Variants in SLC8A1 observed in about 807,000 individuals in gnomAD.
The protein encoded by SLC8A1 is sodium/calcium exchanger 1.
A neutral mutation model predicts 68.3 loss-of-function variants in SLC8A1; 18 were observed. That is an observed-to-expected ratio of 0.26 (90% CI 0.18 to 0.39). The LOEUF (loss-of-function observed/expected upper bound fraction) is 0.39, where lower values mean the gene tolerates loss of function less well. Among genes scored for constraint, SLC8A1 ranks in the 10% least tolerant of loss-of-function variants. SLC8A1 has a pLI of 1.00. For synonymous variants in SLC8A1, 475 were observed against 415.5 expected (o/e 1.14, Z -1.74); for missense variants, 985 against 1,156.7 (o/e 0.85, Z 2.15).
At chr2:40,313,762 AATTTAC>A (rs1181021978) in intron 2 of SLC8A1, among the ~76,000 whole-genome samples, 2 of 152,040 alleles carry the variant, frequency 1.3e-5, no homozygotes, top group Non-Finnish European at 2.9e-5. Context: ...CATTGGGGTT[AATTTAC>A]ATTTCCCTAG....
chr2:40,450,639 T>C (rs894641874), intron 1 of SLC8A1, among the ~76,000 whole-genome samples: 2 of 152,166 alleles, frequency 1.3e-5, no homozygotes, highest in African/African-American at 4.8e-5. Context: ...CCACTACACC[T>C]CCCACTGATA....
chr2:40,233,532 C>T (rs1235677261), intron 2 of SLC8A1, among the ~76,000 whole-genome samples: 1 of 140,686 alleles, frequency 7.1e-6, no homozygotes, highest in African/African-American at 2.7e-5. Flanking sequence ...AAAATTTTCT[C>T]CCATTCTGTA....
At chr2:40,475,282 C>T (rs1375228790) in intron 1 of SLC8A1, among the ~76,000 whole-genome samples, 1 of 151,970 alleles carries the variant, frequency 6.6e-6, no homozygotes, top group Non-Finnish European at 1.5e-5. Context: ...TACAGGTGCC[C>T]GCCACCTCGC....
At chr2:40,474,214 A>G (rs1448468630) in intron 1 of SLC8A1, among the ~76,000 whole-genome samples, 2 of 152,178 alleles carry the variant, frequency 1.3e-5, no homozygotes, top group African/African-American at 4.8e-5. Context: ...CTTGGGAAAC[A>G]TCAGGAGATT....
intron 1 of SLC8A1, among the ~76,000 whole-genome samples, chr2:40,471,432 G>C (rs1703983372): frequency 6.6e-6 from 1 of 152,080 alleles, no homozygotes; most frequent in Non-Finnish European, 1.5e-5. Flanking sequence ...GGCTGGAATA[G>C]ATGACCTCAT....
chr2:40,303,010 G>A (rs1348740955), intron 2 of SLC8A1, among the ~76,000 whole-genome samples: 2 of 152,122 alleles, frequency 1.3e-5, no homozygotes, highest in South Asian at 4.1e-4. Flanking sequence ...ATTTAGAAGA[G>A]GGAAAACCAA....
intron 2 of SLC8A1, among the ~76,000 whole-genome samples, chr2:40,244,602 C>T (rs1335246447): frequency 6.8e-6 from 1 of 147,224 alleles, no homozygotes; most frequent in Non-Finnish European, 1.5e-5. Flanking sequence ...CCAAACCCCA[C>T]AAACTTTCTG....
chr2:40,365,538 T>C (rs145571429), intron 2 of SLC8A1, among the ~76,000 whole-genome samples: 20 of 152,156 alleles, frequency 1.3e-4, no homozygotes, highest in African/African-American at 3.4e-4. Context: ...ATCACTACGG[T>C]TGGGGGCAAG....
At chr2:40,229,489 T>C (rs1010286347) in intron 2 of SLC8A1, among the ~76,000 whole-genome samples, 1 of 152,196 alleles carries the variant, frequency 6.6e-6, no homozygotes, top group Non-Finnish European at 1.5e-5. Flanking sequence ...TTAAACTCTC[T>C]TCTGTGTTAT....
intron 3 of SLC8A1, chr2:40,176,053 G>C (rs528947346): frequency 9.4e-6 from 4 of 425,918 alleles, no homozygotes; most frequent in African/African-American, 2.1e-5. Flanking sequence ...CGTATAATTT[G>C]TCTTTCAGCT....
chr2:40,144,778 T>C (rs1483196513), intron 6 of SLC8A1, among the ~76,000 whole-genome samples: 4 of 152,106 alleles, frequency 2.6e-5, no homozygotes, highest in Admixed American at 2.0e-4. Flanking sequence ...GGAACCTCTA[T>C]TTTTTTCTAT....
intron 2 of SLC8A1, among the ~76,000 whole-genome samples, chr2:40,217,209 C>G (rs1385810729): frequency 6.6e-6 from 1 of 152,182 alleles, no homozygotes; most frequent in East Asian, 1.9e-4. Flanking sequence ...CTGCATATGG[C>G]TAACCAGTTT....
At chr2:40,344,970 C>G (rs773671400) in intron 2 of SLC8A1, among the ~76,000 whole-genome samples, 1 of 151,872 alleles carries the variant, frequency 6.6e-6, no homozygotes, top group African/African-American at 2.4e-5. Flanking sequence ...TTCTAGAGGA[C>G]TCTGGGAATC....
exon 8 of SLC8A1, chr2:40,097,959 A>G (rs1375804614): frequency 6.6e-6 from 1 of 151,048 alleles, no homozygotes; most frequent in Non-Finnish European, 1.5e-5. Context: ...AACATCACAA[A>G]TATTTGGTGT....
intron 2 of SLC8A1, among the ~76,000 whole-genome samples, chr2:40,235,469 G>A (rs1381357902): frequency 1.3e-4 from 20 of 151,952 alleles, no homozygotes; most frequent in Non-Finnish European, 2.2e-4. Context: ...TTTTTATTGC[G>A]TCTATTTGAG....
chr2:40,402,087 A>T (rs1688911980), intron 2 of SLC8A1, among the ~76,000 whole-genome samples: 1 of 152,190 alleles, frequency 6.6e-6, no homozygotes, highest in Admixed American at 6.5e-5. Context: ...ACAGGACGCG[A>T]TACAGGTCAA....
exon 8 of SLC8A1, chr2:40,115,438 G>C (rs932611785): frequency 1.9e-6 from 3 of 1,614,160 alleles, no homozygotes; most frequent in Non-Finnish European, 2.5e-6. Context: ...ATGGTGAAGA[G>C]AGTGACAGAG....
At chr2:40,229,851 C>G (rs566365089) in intron 2 of SLC8A1, among the ~76,000 whole-genome samples, 15 of 152,254 alleles carry the variant, frequency 9.9e-5, no homozygotes, top group African/African-American at 3.6e-4. Flanking sequence ...CAAAAGTATG[C>G]AGGTTAAAGA....
chr2:40,200,029 T>C (rs1322978484), intron 2 of SLC8A1, among the ~76,000 whole-genome samples: 1 of 147,314 alleles, frequency 6.8e-6, no homozygotes, highest in Non-Finnish European at 1.5e-5. Context: ...TATACTGTTA[T>C]GAGGAGGGTG....
Sources: gnomAD v4.1 joint callset for allele counts (sites outside exome capture counted in the v4.1 genomes callset) on GRCh38, gnomAD v4.1.1 for gene constraint, MANE v1.5 for transcripts, NCBI Gene and HGNC (gene_info 2026-07-23, HGNC 2026-07-21) for gene names.